SORT1: variants seen among roughly 807,000 people sequenced by gnomAD.
The protein encoded by SORT1 is sortilin 1.
SORT1 carries 39 observed loss-of-function variants against 101.7 expected under a neutral mutation model. The ratio of observed to expected loss-of-function variants is 0.38; its 90% CI spans 0.30 to 0.50. SORT1 has a LOEUF of 0.50. Ranked by LOEUF, SORT1 falls within the 20% of genes least tolerant of loss-of-function variation. SORT1 has a pLI of 0.90. For synonymous variants in SORT1, 396 were observed against 393.7 expected (o/e 1.01, Z -0.07); for missense variants, 878 against 1,040.4 (o/e 0.84, Z 2.15).
chr1:109,335,642 A>G (rs542775713), intron 11 of SORT1, among the ~76,000 whole-genome samples: 19 of 152,304 alleles, frequency 1.2e-4, no homozygotes, highest in African/African-American at 3.8e-4. Flanking sequence ...AGAGCCAGAT[A>G]AAAAGCTTGT....
intron 8 of SORT1, 101 bp downstream of exon 8, chr1:109,345,650 A>C: frequency 8.3e-7 from 1 of 1,201,902 alleles, no homozygotes; most frequent in Non-Finnish European, 1.2e-6. Context: ...TAAATATAAC[A>C]AAAAGACAAG....
intron 10 of SORT1, among the ~76,000 whole-genome samples, chr1:109,340,197 A>G (rs542184750): frequency 1.3e-5 from 2 of 152,232 alleles, no homozygotes; most frequent in East Asian, 3.9e-4. Flanking sequence ...GCTATATTCA[A>G]ACAAAGGAAT....
At chr1:109,319,976 C>G (rs540687706) in intron 15 of SORT1, among the ~76,000 whole-genome samples, 33 of 152,150 alleles carry the variant, frequency 2.2e-4, no homozygotes, top group Non-Finnish European at 4.0e-4. Flanking sequence ...CCAGACCACC[C>G]ATTCTGCAGC....
At chr1:109,390,803 G>GCA (rs1337002232) in intron 1 of SORT1, among the ~76,000 whole-genome samples, 2 of 151,372 alleles carry the variant, frequency 1.3e-5, no homozygotes, top group African/African-American at 4.9e-5. Flanking sequence ...GTGTGTGCGC[G>GCA]CGCGCGTTTT....
At chr1:109,328,595 A>G (rs181730460) in intron 11 of SORT1, among the ~76,000 whole-genome samples, 43 of 152,312 alleles carry the variant, frequency 2.8e-4, no homozygotes, top group Non-Finnish European at 5.6e-4. Context: ...GTTGAGTTGT[A>G]GCTCAGTGGC....
intron 3 of SORT1, among the ~76,000 whole-genome samples, chr1:109,360,927 C>A (rs1469717074): frequency 2.0e-5 from 3 of 152,232 alleles, no homozygotes; most frequent in African/African-American, 7.2e-5. Flanking sequence ...TCCTTGAAAT[C>A]TGAAAGCCTT....
intron 7 of SORT1, 65 bp from the exon 8 acceptor site, chr1:109,345,946 T>TTTAGAA: frequency 7.4e-7 from 1 of 1,360,540 alleles, no homozygotes; most frequent in Non-Finnish European, 1.0e-6. Flanking sequence ...AAGCAGTTGT[T>TTTAGAA]TTAGAATCAA....
chr1:109,392,017 A>G (rs1652944353), intron 1 of SORT1, among the ~76,000 whole-genome samples: 2 of 152,256 alleles, frequency 1.3e-5, no homozygotes, highest in South Asian at 4.1e-4. Context: ...TTGTTTCTAG[A>G]AAAGCTGTAT....
chr1:109,346,294 C>CA (rs1290482054), intron 7 of SORT1, among the ~76,000 whole-genome samples: 1 of 137,708 alleles, frequency 7.3e-6, no homozygotes, highest in African/African-American at 2.8e-5. Context: ...GCCTGTATGA[C>CA]AGAGCAAGAC....
intron 1 of SORT1, among the ~76,000 whole-genome samples, chr1:109,394,901 CA>C (rs1481872347): frequency 6.6e-6 from 1 of 152,164 alleles, no homozygotes; most frequent in Non-Finnish European, 1.5e-5. Flanking sequence ...CCCAGTTGTA[CA>C]AAGTACAATA....
At chr1:109,348,802 T>C (rs527280951) in intron 6 of SORT1, among the ~76,000 whole-genome samples, 50 of 152,080 alleles carry the variant, frequency 3.3e-4, no homozygotes, top group South Asian at 2.1e-3. Context: ...TAAAGATGAG[T>C]TTTAATGATT....
At chr1:109,392,312 G>A (rs1007574313) in intron 1 of SORT1, among the ~76,000 whole-genome samples, 3 of 152,176 alleles carry the variant, frequency 2.0e-5, no homozygotes, top group African/African-American at 7.2e-5. Context: ...GTCACCCACT[G>A]AGAACCCAAT....
At chr1:109,349,480 C>T (rs1314553328) in intron 6 of SORT1, among the ~76,000 whole-genome samples, 1 of 152,040 alleles carries the variant, frequency 6.6e-6, no homozygotes, top group Non-Finnish European at 1.5e-5. Context: ...AAAAACATTT[C>T]TGGGGCTAGG....
intron 3 of SORT1, among the ~76,000 whole-genome samples, chr1:109,357,173 T>C (rs987372183): frequency 6.6e-6 from 1 of 152,240 alleles, no homozygotes; most frequent in African/African-American, 2.4e-5. Flanking sequence ...TACAGGTTTG[T>C]TGCCTAGGAA....
intron 3 of SORT1, among the ~76,000 whole-genome samples, chr1:109,361,274 C>G (rs889702144): frequency 1.3e-5 from 2 of 152,200 alleles, no homozygotes; most frequent in Non-Finnish European, 2.9e-5. Context: ...CTACTTTCCA[C>G]AAAACACTAG....
chr1:109,333,973 C>T (rs1401648844), intron 11 of SORT1, among the ~76,000 whole-genome samples: 5 of 151,980 alleles, frequency 3.3e-5, no homozygotes, highest in African/African-American at 4.8e-5. Context: ...GGTGAAACCC[C>T]GTCACTACTA....
intron 6 of SORT1, among the ~76,000 whole-genome samples, chr1:109,349,383 T>C (rs1649818203): frequency 1.3e-5 from 2 of 151,860 alleles, no homozygotes; most frequent in Admixed American, 6.6e-5. Context: ...TAAAACTGTA[T>C]AAGGTACAAA....
At chr1:109,391,799 G>C (rs530681979) in intron 1 of SORT1, among the ~76,000 whole-genome samples, 17 of 152,284 alleles carry the variant, frequency 1.1e-4, no homozygotes, top group Non-Finnish European at 2.5e-4. Flanking sequence ...TGTTCTTCAA[G>C]CCCCATTAAT....
chr1:109,314,226 G>T lies in SORT1; in HGVS notation c.2481+35C>A, dbSNP rs12077741. ...TTTATTTTCTTGTATTTTTTGGGGGGGGGGGTACTACCATTCAAGAAGAAA... is the reference window on the plus strand; with the variant it reads ...TTTATTTTCTTGTATTTTTTGGGGGTGGGGGTACTACCATTCAAGAAGAAA... On this transcript the variant is annotated intron_variant, in intron 19 of 19. Coordinates refer to ENST00000256637, the MANE Select transcript of SORT1 (RefSeq NM_002959.7). 1,105 of 1,483,492 alleles carry T rather than the reference G, an allele frequency of 7.4e-4. 10 individuals carry two copies. The African/African-American group carries it at 0.013, about 17-fold the overall frequency. The allele number at this position is 1,483,492 out of a possible 1,614,324, so 91.9% of individuals were successfully genotyped here. A position where few individuals can be genotyped will look rare whatever the true frequency, so the allele number is the denominator to read the frequency against.
Sources: allele counts gnomAD v4.1 joint callset (sites outside exome capture counted in the v4.1 genomes callset), GRCh38; gene constraint gnomAD v4.1.1; transcripts MANE v1.5; gene names NCBI Gene and HGNC (gene_info 2026-07-23, HGNC 2026-07-21).